Variants in TRIM37 observed in about 807,000 individuals in gnomAD.
The protein encoded by TRIM37 is E3 ubiquitin-protein ligase TRIM37.
In TRIM37, 80 loss-of-function variants were observed where a neutral mutation model predicts 129.8. That is an observed-to-expected ratio of 0.62 (90% CI 0.51 to 0.74). TRIM37 has a LOEUF of 0.74. TRIM37 is among the 30% of genes least tolerant of loss of function. TRIM37 has a pLI of 0.00. For missense variants in TRIM37, 1,054 were observed against 1,176.5 expected, an observed-to-expected ratio of 0.90 and a Z score of 1.52; for synonymous variants, 389 against 387.1, an observed-to-expected ratio of 1.00 and a Z score of -0.06.
intron 24 of TRIM37, among the ~76,000 whole-genome samples, chr17:58,987,507 A>T (rs988889337): frequency 3.3e-5 from 5 of 152,342 alleles, no homozygotes; most frequent in Admixed American, 3.3e-4. Context: ...GATTTTAGAA[A>T]GAGAGCAGCC....
intron 22 of TRIM37, among the ~76,000 whole-genome samples, chr17:59,004,802 A>T (rs2034255983): frequency 6.6e-6 from 1 of 152,204 alleles, no homozygotes; most frequent in Admixed American, 6.5e-5. Flanking sequence ...GCTTCCAACA[A>T]AGGCAACTGT....
chr17:59,057,061 T>C lies in TRIM37; in HGVS notation c.1020-7A>G, dbSNP rs760959625. 3.1e-6 allele frequency: 5 copies of C among 1,612,814 alleles called. No homozygotes were observed. Among genetic ancestry groups the C allele is most frequent in the East Asian group, 2.2e-5 (1 of 44,808 alleles). On this transcript the variant is annotated splice_region_variant and splice_polypyrimidine_tract_variant and intron_variant, in intron 12 of 23. Coordinates refer to ENST00000262294, the MANE Select transcript of TRIM37 (RefSeq NM_015294.6). The stretch of plus-strand genomic sequence containing the variant: ...CTCTACACGATATTCATATCTAAAA[T>C]TGAAAAACAGACCATTACTATACAG...
intron 24 of TRIM37, among the ~76,000 whole-genome samples, chr17:58,988,004 G>A (rs1384956411): frequency 3.9e-5 from 6 of 152,080 alleles, no homozygotes; most frequent in Non-Finnish European, 5.9e-5. Flanking sequence ...ACATTTTTTC[G>A]AATCCATTGG....
intron 8 of TRIM37, 132 bp downstream of exon 8, chr17:59,075,515 G>C (rs2042733811): frequency 3.2e-6 from 2 of 616,398 alleles, no homozygotes; most frequent in African/African-American, 2.1e-5. Flanking sequence ...AGTGAGCCGA[G>C]ATCGCGCCAC....
In TRIM37 at chr17:59,081,945, A is replaced by T. The variant is rs1020517572; in HGVS notation, c.370-726T>A. On this transcript the variant is annotated intron_variant, in intron 5 of 23. Transcript: ENST00000262294. ...TTTTTAATAATAAAAACCAAAAAAA[A>T]AAAAAAATAAAAAAAAAAAAATAAT... is the stretch of plus-strand genomic sequence containing the variant. Among the ~76,000 whole-genome samples the T allele has an allele frequency of 5.0e-4, 61 of 123,162 alleles. 1 individual carries two copies. Among genetic ancestry groups the T allele is most frequent in the East Asian group, 3.4e-3 (15 of 4,400 alleles). The allele number at this position is 123,162 out of a possible 152,430, so 80.8% of individuals were successfully genotyped here.
At position 59,104,372 on chromosome 17, in the gene TRIM37, C is replaced by T; in HGVS notation, c.44G>A (p.Cys15Tyr). ...SVESIAEVFR[C>Y]FICMEKLRDA... is the part of the protein sequence containing the mutation. ...CCGCAATTTCTCCATACAAATGAAA[C>T]ATCGGAAAACCTCAGCAATGCTCTG... Residue 15 changes from cysteine (C) to tyrosine (Y), a missense_variant, in exon 2 of 24, where the codon TGT becomes TAT. This residue lies in a region of TRIM37 where 752 missense variants were observed against 870.8 expected (regional missense o/e 0.86). Transcript: ENST00000262294. 1 of 1,614,166 alleles carries T rather than the reference C, an allele frequency of 6.2e-7. No homozygotes were observed.
At chr17:59,018,489 C>G (rs941530191) in intron 19 of TRIM37, among the ~76,000 whole-genome samples, 5 of 152,100 alleles carry the variant, frequency 3.3e-5, no homozygotes, top group African/African-American at 1.2e-4. Context: ...GTTAAGAAAA[C>G]AATTTCATTT....
At chr17:59,022,181 G>A (rs767612737) in intron 19 of TRIM37, among the ~76,000 whole-genome samples, 10 of 152,086 alleles carry the variant, frequency 6.6e-5, no homozygotes, top group Non-Finnish European at 1.5e-4. Flanking sequence ...GAAATAGATC[G>A]ATTTCACTTA....
intron 17 of TRIM37, among the ~76,000 whole-genome samples, 184 bp from the exon 18 acceptor site, chr17:59,032,274 C>G (rs1448649922): frequency 1.3e-5 from 2 of 152,022 alleles, no homozygotes; most frequent in African/African-American, 4.8e-5. Flanking sequence ...GCCTGTAATC[C>G]CAGCACTTTG....
At chr17:59,021,133 C>T (rs537584595) in intron 19 of TRIM37, among the ~76,000 whole-genome samples, 24 of 152,176 alleles carry the variant, frequency 1.6e-4, no homozygotes, top group African/African-American at 4.8e-4. Context: ...AGCTCACGCC[C>T]GTAATCTCAG....
At chr17:59,042,615 T>C (rs2039373796) in intron 16 of TRIM37, among the ~76,000 whole-genome samples, 1 of 150,898 alleles carries the variant, frequency 6.6e-6, no homozygotes, top group Non-Finnish European at 1.5e-5. Flanking sequence ...ATACAAAAAT[T>C]AGCTGGGCGT....
At chr17:59,024,042 C>T (rs1292524760) in intron 19 of TRIM37, among the ~76,000 whole-genome samples, 4 of 151,590 alleles carry the variant, frequency 2.6e-5, no homozygotes, top group Non-Finnish European at 4.4e-5. Flanking sequence ...GATGAAACCC[C>T]GTCTCTACTA....
chr17:59,105,423 C>T (rs1237122654), intron 1 of TRIM37, among the ~76,000 whole-genome samples: 4 of 152,086 alleles, frequency 2.6e-5, no homozygotes, highest in Non-Finnish European at 5.9e-5. Context: ...ATACAAGAAA[C>T]AGTATTATGT....
At chr17:59,045,748 C>T (rs1253766643) in intron 16 of TRIM37, among the ~76,000 whole-genome samples, 1 of 151,694 alleles carries the variant, frequency 6.6e-6, no homozygotes, top group East Asian at 1.9e-4. Context: ...GGCACAGTGG[C>T]TCACACCTGT....
At chr17:59,019,640 G>A (rs888605204) in intron 19 of TRIM37, among the ~76,000 whole-genome samples, 2 of 152,012 alleles carry the variant, frequency 1.3e-5, no homozygotes, top group Non-Finnish European at 2.9e-5. Flanking sequence ...CCCGGGAAGC[G>A]GAGCTTGCAG....
At chr17:58,980,668 A>G, downstream of TRIM37, 1 of 1,614,222 alleles carries the variant, frequency 6.2e-7, no homozygotes, top group Non-Finnish European at 8.5e-7. This position sits in a 1 kb window ranked among gnomAD's most constrained non-coding sequence, Gnocchi z 4.7. Flanking sequence ...TGGGTTCAAC[A>G]GGGGAGCAGA....
At position 58,999,184 on chromosome 17, in the gene TRIM37, T is replaced by C; in HGVS notation, c.*193A>G. On this transcript the variant is annotated 3_prime_UTR_variant, in exon 24 of 24. Transcript: ENST00000262294. ...ATTACAAAGAACTCTTCCCATACTG[T>C]TTTTCCCATGTACTACTGCTGTCTT... 1.4e-6 allele frequency: 2 copies of C among 1,434,962 alleles called. No homozygotes were observed. Among genetic ancestry groups the C allele is most frequent in the Non-Finnish European group, 1.8e-6 (2 of 1,097,926 alleles). 88.9% of individuals were successfully genotyped at this position (1,434,962 alleles called of 1,614,324 possible).
At position 59,071,539 on chromosome 17, in the gene TRIM37, C is replaced by A. The variant is rs373914673; in HGVS notation, c.685-592G>T. Among the ~76,000 whole-genome samples the A allele has an allele frequency of 2.0e-5, 3 of 152,240 alleles. No individual in the cohort carries two copies. In the East Asian group the frequency reaches 5.8e-4, roughly 29 times the overall value. On this transcript the variant is annotated intron_variant, in intron 8 of 23. Coordinates refer to ENST00000262294, the MANE Select transcript of TRIM37 (RefSeq NM_015294.6). ...TGACCTCATGATCCACCTGCCTCGG[C>A]CTCCCCAAGTGCTGGGATTACATGC...
intron 19 of TRIM37, among the ~76,000 whole-genome samples, chr17:59,021,712 A>G (rs2036624564): frequency 6.6e-6 from 1 of 152,168 alleles, no homozygotes; most frequent in Non-Finnish European, 1.5e-5. Context: ...CGTTAGTACA[A>G]CAGTGACTAC....
Sources: allele counts gnomAD v4.1 joint callset (sites outside exome capture counted in the v4.1 genomes callset), GRCh38; gene constraint gnomAD v4.1.1; regional missense constraint gnomAD v4.1.1; non-coding constraint Gnocchi (gnomAD v3.1); transcripts MANE v1.5; gene names NCBI Gene and HGNC (gene_info 2026-07-23, HGNC 2026-07-21).